Variants in IFNGR2 observed in about 807,000 individuals in gnomAD.
IFNGR2 encodes the protein interferon gamma receptor 2, also known as IFN-gamma receptor 2.
Under a neutral mutation model 41.1 loss-of-function variants are expected in IFNGR2, and 15 were observed. The ratio of observed to expected loss-of-function variants is 0.37; its 90% CI spans 0.24 to 0.56. The LOEUF (loss-of-function observed/expected upper bound fraction) is 0.56, where lower values mean the gene tolerates loss of function less well. Ranked by LOEUF, IFNGR2 falls within the 20% of genes least tolerant of loss-of-function variation. IFNGR2 has a pLI of 0.81. For synonymous variants in IFNGR2, 161 were observed against 171.6 expected, an observed-to-expected ratio of 0.94 and a Z score of 0.48; for missense variants, 362 against 415.7, an observed-to-expected ratio of 0.87 and a Z score of 1.12.
chr21:33,422,652 A>C (rs965170249), intron 3 of IFNGR2, among the ~76,000 whole-genome samples: 2 of 152,010 alleles, frequency 1.3e-5, no homozygotes, highest in African/African-American at 4.8e-5. Context: ...CGAGGCAGGC[A>C]GATCACTTGA....
At position 33,432,867 on chromosome 21, in the gene IFNGR2, A is replaced by G; in HGVS notation, c.875A>G (p.Glu292Gly). The part of the protein sequence containing the change: ...HTPPSIPLQI[E>G]EYLKDPTQPI... ...CCACCAAGCATCCCATTACAGATAG[A>G]AGAGGTACGTGTGCACACATCTCTT... Residue 292 changes from glutamate to glycine, a missense_variant, in exon 6 of 7, where the codon GAA (glutamate) becomes GGA (glycine). By Grantham distance (98) the Glu-to-Gly change is moderately conservative. Transcript: ENST00000290219. The G allele has an allele frequency of 6.2e-7, 1 of 1,612,500 alleles. No homozygotes were observed.
intron 6 of IFNGR2, among the ~76,000 whole-genome samples, 173 bp from the exon 7 acceptor site, chr21:33,436,655 G>C (rs982662107): frequency 2.6e-5 from 4 of 151,890 alleles, no homozygotes; most frequent in Admixed American, 6.6e-5. Flanking sequence ...CTGGGAAGCA[G>C]AGGTTGCAGT....
chr21:33,434,339 T>C (rs1027514039), intron 6 of IFNGR2, among the ~76,000 whole-genome samples: 2 of 152,072 alleles, frequency 1.3e-5, no homozygotes, highest in South Asian at 2.1e-4. Flanking sequence ...CTGGCCAACA[T>C]GGTGAAACCC....
rs1350535227 is a variant in IFNGR2 at position 33,436,989 on chromosome 21, C to T, written c.*27C>T. On this transcript the variant is annotated 3_prime_UTR_variant, in exon 7 of 7. Coordinates refer to ENST00000290219, the MANE Select transcript of IFNGR2 (RefSeq NM_005534.4). ...CCAAAGCATGGGCCTAGCCCACTGG[C>T]TCCCTGGAAGAGATCAAGCCATCGG... The T allele has an allele frequency of 1.2e-6, 2 of 1,612,752 alleles. No homozygotes were observed. Among genetic ancestry groups the T allele is most frequent in the African/African-American group, 2.7e-5 (2 of 74,914 alleles).
At chr21:33,419,783 A>G (rs1303144192) in intron 2 of IFNGR2, among the ~76,000 whole-genome samples, 1 of 152,150 alleles carries the variant, frequency 6.6e-6, no homozygotes, top group East Asian at 1.9e-4. Flanking sequence ...TGTTTTTGTG[A>G]GTGACCTCAC....
intron 2 of IFNGR2, among the ~76,000 whole-genome samples, chr21:33,415,456 G>T (rs920249540): frequency 6.6e-6 from 1 of 152,110 alleles, no homozygotes; most frequent in Non-Finnish European, 1.5e-5. Context: ...TTCTCAACTG[G>T]TTTTCCATTT....
upstream of IFNGR2, chr21:33,403,318 A>T (rs2083653495): frequency 7.4e-6 from 1 of 134,622 alleles, no homozygotes; most frequent in Non-Finnish European, 1.4e-5. Context: ...GGAGCGGGAA[A>T]GTCCCGCGCG....
Position 33,403,537 on chromosome 21 carries a change from CG to C in IFNGR2, c.-3del. ...GCGACCTGAGCCGCCGCCGAGCGCC[CG>C]GGGCCATGCGACCGACGCTGCTGTG... On this transcript the variant is annotated 5_prime_UTR_variant, in exon 1 of 7. Coordinates refer to ENST00000290219, the MANE Select transcript of IFNGR2 (RefSeq NM_005534.4). The C allele has an allele frequency of 4.6e-6, 6 of 1,303,874 alleles. No individual in the cohort carries two copies. Among genetic ancestry groups the C allele is most frequent in the South Asian group, 3.8e-5 (2 of 52,764 alleles). 80.8% of individuals were successfully genotyped at this position (1,303,874 alleles called of 1,614,324 possible). A position where few individuals can be genotyped will look rare whatever the true frequency, so the allele number is the denominator to read the frequency against.
At chr21:33,414,294 G>A (rs1489336118) in intron 1 of IFNGR2, among the ~76,000 whole-genome samples, 6 of 152,144 alleles carry the variant, frequency 3.9e-5, no homozygotes, top group African/African-American at 1.4e-4. Context: ...CCCAGAAGTC[G>A]GCGTTCCTTG....
intron 1 of IFNGR2, among the ~76,000 whole-genome samples, chr21:33,405,239 G>A (rs1423694535): frequency 6.6e-6 from 1 of 152,072 alleles, no homozygotes; most frequent in Non-Finnish European, 1.5e-5. Flanking sequence ...TAGGAGTCTC[G>A]AGAATTTAGA....
chr21:33,403,351 G>T (rs2083653943), upstream of IFNGR2: 1 of 178,906 alleles, frequency 5.6e-6, no homozygotes, highest in Non-Finnish European at 1.1e-5. Context: ...TCGGGGGCGG[G>T]ACGGGGCGGG....
chr21:33,411,540 G>T (rs1386256686), intron 1 of IFNGR2: 1 of 470,972 alleles, frequency 2.1e-6, no homozygotes, highest in East Asian at 6.9e-5. Context: ...CTGGGAATGT[G>T]CTGCCTGACG....
At chr21:33,406,790 C>T (rs923014608) in intron 1 of IFNGR2, among the ~76,000 whole-genome samples, 2 of 151,798 alleles carry the variant, frequency 1.3e-5, no homozygotes, top group East Asian at 1.9e-4. Context: ...TGGGACTACA[C>T]GTGCACGCCA....
intron 4 of IFNGR2, among the ~76,000 whole-genome samples, chr21:33,428,515 C>T (rs1362559565): frequency 2.6e-5 from 4 of 152,110 alleles, no homozygotes; most frequent in East Asian, 3.9e-4. Flanking sequence ...GGCATGAGCC[C>T]GTTCCCAGCC....
chr21:33,432,124 A>C (rs1410666156), intron 4 of IFNGR2, 53 bp from the exon 5 acceptor site: 3 of 1,506,720 alleles, frequency 2.0e-6, no homozygotes, highest in Admixed American at 3.3e-5. Flanking sequence ...GAAAAGATGT[A>C]GGCAGCTTGG....
chr21:33,430,322 C>T (rs2083874903), intron 4 of IFNGR2, among the ~76,000 whole-genome samples: 1 of 152,168 alleles, frequency 6.6e-6, no homozygotes, highest in African/African-American at 2.4e-5. Flanking sequence ...AATTTTTGTC[C>T]TTAAAATCGT....
intron 1 of IFNGR2, among the ~76,000 whole-genome samples, chr21:33,407,838 C>T (rs541937015): frequency 2.6e-5 from 3 of 117,126 alleles, no homozygotes; most frequent in African/African-American, 9.8e-5. Context: ...TCAAGTGATC[C>T]CCACCGCACC....
In IFNGR2 at chr21:33,435,998, T is replaced by G. The variant is rs1160746385; in HGVS notation, c.880-830T>G. Among the ~76,000 whole-genome samples, 4 of 151,496 alleles carry G rather than the reference T, an allele frequency of 2.6e-5. No individual in the cohort carries two copies. The East Asian group carries it at 7.8e-4, about 29-fold the overall frequency. On this transcript the variant is annotated intron_variant, in intron 6 of 6. Transcript: ENST00000290219. ...ATTGCTTGAACCCAGGAGGCGGAAG[T>G]TGCAGTGAGCCGAGATCGCGCCACT...
intron 6 of IFNGR2, among the ~76,000 whole-genome samples, chr21:33,434,417 G>A (rs559490734): frequency 6.6e-6 from 1 of 152,302 alleles, no homozygotes; most frequent in South Asian, 2.1e-4. Flanking sequence ...AGCTACATGA[G>A]AGGCTGAGGC....
Sources: allele counts gnomAD v4.1 joint callset (sites outside exome capture counted in the v4.1 genomes callset), GRCh38; gene constraint gnomAD v4.1.1; transcripts MANE v1.5; gene names NCBI Gene and HGNC (gene_info 2026-07-23, HGNC 2026-07-21).